Variants in ZBTB10 observed in about 807,000 individuals in gnomAD.
The protein encoded by ZBTB10 is zinc finger and BTB domain containing 10.
Under a neutral mutation model 76.4 loss-of-function variants are expected in ZBTB10, and 32 were observed. The ratio of observed to expected loss-of-function variants is 0.42; its 90% CI spans 0.32 to 0.56. The LOEUF (loss-of-function observed/expected upper bound fraction) is 0.56. ZBTB10 is among the 20% of genes least tolerant of loss of function. The pLI, the probability that ZBTB10 is intolerant of heterozygous loss-of-function variation, is 0.14. For synonymous variants in ZBTB10, 523 were observed against 432.9 expected, an observed-to-expected ratio of 1.21 and a Z score of -2.58; for missense variants, 1,057 against 1,098.5, an observed-to-expected ratio of 0.96 and a Z score of 0.53.
At chr8:80,501,267 C>G (rs1220171835) in intron 2 of ZBTB10, among the ~76,000 whole-genome samples, 2 of 152,216 alleles carry the variant, frequency 1.3e-5, no homozygotes, top group Non-Finnish European at 2.9e-5. Context: ...CCTCTGAGGC[C>G]TTTCTCTTCA....
intron 2 of ZBTB10, among the ~76,000 whole-genome samples, chr8:80,503,933 C>T (rs1372131858): frequency 6.6e-6 from 1 of 152,130 alleles, no homozygotes; most frequent in Non-Finnish European, 1.5e-5. Flanking sequence ...CTCTTCTGCC[C>T]ATCTTGTGAT....
In ZBTB10 at chr8:80,520,612, C is replaced by T. The variant is rs867809224; in HGVS notation, c.*1084C>T. On this transcript the variant is annotated 3_prime_UTR_variant, in exon 6 of 6. Transcript: ENST00000455036. Reference sequence around the variant, plus strand: ...AAAATTAACACAAAATGTGCATTCTCTTTTGTTTCATACTTAGCGGGATAT... The same window carrying T: ...AAAATTAACACAAAATGTGCATTCTTTTTTGTTTCATACTTAGCGGGATAT... 4 of 152,248 alleles carry T rather than the reference C, an allele frequency of 2.6e-5. No individual in the cohort carries two copies. Among genetic ancestry groups the T allele is most frequent in the South Asian group, 2.1e-4 (1 of 4,830 alleles). 9.4% of individuals were successfully genotyped at this position (152,248 alleles called of 1,614,324 possible).
rs1816462510 is a variant in ZBTB10, at chr8:80,522,186, ATTC to A, written c.*2661_*2663del. 1 of 151,802 alleles carries A rather than the reference ATTC, an allele frequency of 6.6e-6. No homozygotes were observed. The highest frequency in any genetic ancestry group is 1.5e-5 in the Non-Finnish European group (1 of 67,798). 9.4% of individuals were successfully genotyped at this position (151,802 alleles called of 1,614,324 possible). On this transcript the variant is annotated 3_prime_UTR_variant, in exon 6 of 6. Coordinates refer to ENST00000455036, the MANE Select transcript of ZBTB10 (RefSeq NM_001105539.3). ...TGGACATTTCTATTTTTTTAAGTGT[ATTC>A]TTTTTCTGACTTACAGTAAAATTTC...
chr8:80,519,530 T>A lies in ZBTB10; in HGVS notation c.*2T>A. ...GTTTGTATGTCTCTAGATGATTAAC[T>A]GACCTACTATACTCCTCAAGGATGC... is the stretch of plus-strand genomic sequence containing the variant. On this transcript the variant is annotated 3_prime_UTR_variant, in exon 6 of 6. Transcript: ENST00000455036. 1 of 1,604,778 alleles carries A rather than the reference T, an allele frequency of 6.2e-7. No individual in the cohort carries two copies. The highest frequency in any genetic ancestry group is 8.5e-7 in the Non-Finnish European group (1 of 1,175,280).
At chr8:80,516,900 C>T (rs1458863957) in intron 3 of ZBTB10, among the ~76,000 whole-genome samples, 1 of 151,958 alleles carries the variant, frequency 6.6e-6, no homozygotes, top group African/African-American at 2.4e-5. Flanking sequence ...ACCGTGATGC[C>T]CATGGGAGGA....
intron 4 of ZBTB10, 99 bp downstream of exon 4, chr8:80,518,678 A>T: frequency 3.4e-6 from 5 of 1,480,434 alleles, no homozygotes; most frequent in Non-Finnish European, 4.5e-6. Flanking sequence ...AAGTAGCAGT[A>T]GCTCCACATA....
At position 80,497,472 on chromosome 8, in the gene ZBTB10, T is replaced by TGGG. The variant is rs145467940; in HGVS notation, c.973-2015_973-2013dup. On this transcript the variant is annotated intron_variant, in intron 1 of 5. Transcript: ENST00000455036. ...TAGAGCATGGAACATTATTATATGG[T>TGGG]GGGGGGGGGCATGGGTGGGAGTTTT... Among the ~76,000 whole-genome samples the TGGG allele has an allele frequency of 6.9e-5, 8 of 116,726 alleles. 1 individual carries two copies. The highest frequency in any genetic ancestry group is 2.4e-4 in the African/African-American group (8 of 33,612). 76.6% of individuals were successfully genotyped at this position (116,726 alleles called of 152,430 possible). A position where few individuals can be genotyped will look rare whatever the true frequency, so the allele number is the denominator to read the frequency against.
intron 1 of ZBTB10, among the ~76,000 whole-genome samples, chr8:80,498,668 G>A (rs373081826): frequency 1.3e-5 from 2 of 152,302 alleles, no homozygotes; most frequent in Admixed American, 6.5e-5. Flanking sequence ...CCAAGGACAC[G>A]CAGTTAATGG....
rs1816433832 is a variant in ZBTB10, at chr8:80,520,812, C to CA, written c.*1285dup. The CA allele has an allele frequency of 6.6e-6, 1 of 151,712 alleles. No homozygotes were observed. Among genetic ancestry groups the CA allele is most frequent in the African/African-American group, 2.4e-5 (1 of 41,312 alleles). 9.4% of individuals were successfully genotyped at this position (151,712 alleles called of 1,614,324 possible). A position where few individuals can be genotyped will look rare whatever the true frequency, so the allele number is the denominator to read the frequency against. ...AAATTCTTCAGGGTACAAAGGGTGACATATTGAGGTGAAATTGTCAGATTT... is the reference window on the plus strand; with the variant it reads ...AAATTCTTCAGGGTACAAAGGGTGACAATATTGAGGTGAAATTGTCAGATTT... On this transcript the variant is annotated 3_prime_UTR_variant, in exon 6 of 6. Transcript: ENST00000455036.
chr8:80,502,705 C>G (rs554889960), intron 2 of ZBTB10, among the ~76,000 whole-genome samples: 34 of 150,318 alleles, frequency 2.3e-4, no homozygotes, highest in African/African-American at 7.2e-4. Context: ...GAACCAAGGA[C>G]TGGTAAATTT....
At position 80,499,727 on chromosome 8, in the gene ZBTB10, C is replaced by T; in HGVS notation, c.1206C>T (p.Asn402=). 1 of 1,613,928 alleles carries T rather than the reference C, an allele frequency of 6.2e-7. No individual in the cohort carries two copies. The highest frequency in any genetic ancestry group is 8.5e-7 in the Non-Finnish European group (1 of 1,179,850). The change falls in exon 2 of 6, where the codon AAC becomes AAT. Residue 402 remains asparagine (N), a synonymous_variant. Coordinates refer to ENST00000455036, the MANE Select transcript of ZBTB10 (RefSeq NM_001105539.3). Reference sequence around the variant, plus strand: ...GCTTTTCAAACAAAGAAAGCCCTAACCAAAACAATACTACCCACTTAGATA... The same window carrying T: ...GCTTTTCAAACAAAGAAAGCCCTAATCAAAACAATACTACCCACTTAGATA... ...LYCFSNKESP[N]QNNTTHLDIA...
chr8:80,489,735 C>T (rs540017163), intron 1 of ZBTB10, among the ~76,000 whole-genome samples: 55 of 152,262 alleles, frequency 3.6e-4, no homozygotes, highest in African/African-American at 1.3e-3. Flanking sequence ...CCTTTAAATT[C>T]CCCCATCAAT....
In ZBTB10 at chr8:80,487,362, C is replaced by T. The variant is rs373347759; in HGVS notation, c.552C>T (p.Thr184=). 8.5e-6 allele frequency: 13 copies of T among 1,528,032 alleles called. No homozygotes were observed. The East Asian group carries it at 2.2e-4, about 26-fold the overall frequency. The allele number at this position is 1,528,032 out of a possible 1,614,324, so 94.7% of individuals were successfully genotyped here. A position where few individuals can be genotyped will look rare whatever the true frequency, so the allele number is the denominator to read the frequency against. The change falls in exon 1 of 6, where the codon ACC becomes ACT. Residue 184 remains threonine, a synonymous_variant. Coordinates refer to ENST00000455036, the MANE Select transcript of ZBTB10 (RefSeq NM_001105539.3). Reference sequence around the variant, plus strand: ...ACGGCGCGTCCCTGAGCGACAGCACCGAGGACGAGGAGGAGGGGGCGAGCC... The same window carrying T: ...ACGGCGCGTCCCTGAGCGACAGCACTGAGGACGAGGAGGAGGGGGCGAGCC... ...MQDGASLSDS[T]EDEEEGASLG...
Position 80,499,358 on chromosome 8 carries a change from A to T in ZBTB10, c.973-136A>T, listed in dbSNP as rs534752320. 1.1e-5 allele frequency: 10 copies of T among 947,756 alleles called. No individual in the cohort carries two copies. The South Asian group carries it at 2.3e-4, about 22-fold the overall frequency. 58.7% of individuals were successfully genotyped at this position (947,756 alleles called of 1,614,324 possible). On this transcript the variant is annotated intron_variant, in intron 1 of 5. Transcript: ENST00000455036. ...GCAGTGGGTTGCACCACCACTGTTC[A>T]CTCCATTTCTTGATTACTCACAAAT...
intron 2 of ZBTB10, among the ~76,000 whole-genome samples, chr8:80,505,057 T>G (rs1274202302): frequency 6.6e-6 from 1 of 152,230 alleles, no homozygotes; most frequent in African/African-American, 2.4e-5. Flanking sequence ...TTATAAATAA[T>G]TTTACTCTGT....
rs1815484501 is a variant in ZBTB10 at position 80,487,021 on chromosome 8, G to A, written c.211G>A (p.Gly71Ser). The change falls in exon 1 of 6, where the codon GGC becomes AGC. Residue 71 changes from glycine to serine, a missense_variant. By Grantham distance (56) the Gly-to-Ser change is moderately conservative. This residue lies in a region of ZBTB10 where 556 missense variants were observed against 451.7 expected (regional missense o/e 1.23). Transcript: ENST00000455036. The part of the protein sequence containing the change: ...RGADEEVELE[G>S]LEPQDLEASA... ...GGCCGACGAGGAAGTGGAATTGGAG[G>A]GCCTGGAGCCCCAAGACCTGGAGGC... is the stretch of plus-strand genomic sequence containing the variant. 3.3e-6 allele frequency: 5 copies of A among 1,516,296 alleles called. No homozygotes were observed. Among genetic ancestry groups the A allele is most frequent in the Non-Finnish European group, 4.4e-6 (5 of 1,138,212 alleles). The allele number at this position is 1,516,296 out of a possible 1,614,324, so 93.9% of individuals were successfully genotyped here. A position where few individuals can be genotyped will look rare whatever the true frequency, so the allele number is the denominator to read the frequency against.
chr8:80,512,099 C>A lies in ZBTB10; in HGVS notation c.1862-1811C>A, dbSNP rs149292947. On this transcript the variant is annotated intron_variant, in intron 2 of 5. Transcript: ENST00000455036. ...GTACCACATTAAATAACATTTACCA[C>A]ATTTAATGTGGTACCACATTAAATA... Among the ~76,000 whole-genome samples the A allele has an allele frequency of 4.4e-3, 670 of 152,202 alleles. 2 individuals carry two copies. The highest frequency in any genetic ancestry group is 6.9e-3 in the Non-Finnish European group (469 of 68,002).
chr8:80,514,611 G>A (rs551201706), intron 3 of ZBTB10, among the ~76,000 whole-genome samples: 3 of 152,352 alleles, frequency 2.0e-5, no homozygotes, highest in Non-Finnish European at 4.4e-5. Flanking sequence ...TAATGGGCTT[G>A]TCCCCCTATG....
Position 80,519,470 on chromosome 8 carries a change from A to G in ZBTB10, c.2558A>G (p.Gln853Arg). 1 of 1,612,476 alleles carries G rather than the reference A, an allele frequency of 6.2e-7. No homozygotes were observed. The change falls in exon 6 of 6, where the codon CAG (glutamine) becomes CGG (arginine). Residue 853 changes from glutamine to arginine, a missense_variant. Gln to Arg is a conservative substitution (Grantham distance 43, BLOSUM62 1). Around this residue, in one of 5 missense-constraint regions of ZBTB10, gnomAD observed 55 missense variants for 65.5 expected, o/e 0.84. Coordinates refer to ENST00000455036, the MANE Select transcript of ZBTB10 (RefSeq NM_001105539.3). ...DEELVDDGED[Q>R]NDPSRWDESG... ...GAGCTAGTTGATGATGGAGAAGATC[A>G]GAATGATCCCTCTCGATGGGATGAA...
Sources: gnomAD v4.1 joint callset for allele counts (sites outside exome capture counted in the v4.1 genomes callset) on GRCh38, gnomAD v4.1.1 for gene constraint, gnomAD v4.1.1 regional missense constraint, MANE v1.5 for transcripts, NCBI Gene and HGNC (gene_info 2026-07-23, HGNC 2026-07-21) for gene names.